Variants in NCKAP1 observed in about 807,000 individuals in gnomAD.
NCKAP1 encodes the protein nck-associated protein 1.
NCKAP1 carries 21 observed loss-of-function variants against 151.2 expected under a neutral mutation model. That is an observed-to-expected ratio of 0.14 (90% CI 0.10 to 0.20). The LOEUF is 0.20. Among genes scored for constraint, NCKAP1 ranks in the 10% least tolerant of loss-of-function variants. NCKAP1 has a pLI of 1.00. For missense variants in NCKAP1, 933 were observed against 1,352.1 expected, an observed-to-expected ratio of 0.69 and a Z score of 4.86; for synonymous variants, 484 against 451.8, an observed-to-expected ratio of 1.07 and a Z score of -0.90.
At chr2:183,021,312 A>G (rs887051933) in intron 2 of NCKAP1, among the ~76,000 whole-genome samples, 3 of 152,208 alleles carry the variant, frequency 2.0e-5, no homozygotes, top group Admixed American at 1.3e-4. Context: ...AATAAAAAGA[A>G]ATGAAGATTG....
chr2:182,996,523 T>A (rs892349633), intron 6 of NCKAP1, among the ~76,000 whole-genome samples: 1 of 152,176 alleles, frequency 6.6e-6, no homozygotes, highest in African/African-American at 2.4e-5. Context: ...AGTGGTGCGA[T>A]CTCAGCTCAC....
At chr2:183,028,560 T>C (rs925692961) in intron 1 of NCKAP1, among the ~76,000 whole-genome samples, 19 of 152,230 alleles carry the variant, frequency 1.2e-4, no homozygotes, top group African/African-American at 4.3e-4. Context: ...AAGTGCATAA[T>C]AGCCTATATG....
rs1306637531 is a variant in NCKAP1, at chr2:182,928,835, A to C, written c.3018T>G (p.Ser1006=). The C allele has an allele frequency of 6.2e-7, 1 of 1,612,674 alleles. No homozygotes were observed. The highest frequency in any genetic ancestry group is 1.1e-5 in the South Asian group (1 of 90,974). Residue 1006 remains serine, a synonymous_variant, in exon 28 of 31, where the codon TCT becomes TCG. Transcript: ENST00000361354. ...ACLLMVFVAV[S]LPTLASNVMS... is the part of the protein sequence containing the mutation. ...TCACATTACTGGCCAGTGTTGGCAA[A>C]GAAACTGCCACAAACACCATGAGAA...
intron 2 of NCKAP1, among the ~76,000 whole-genome samples, chr2:183,008,566 T>C (rs1056952787): frequency 6.6e-6 from 1 of 152,180 alleles, no homozygotes; most frequent in Non-Finnish European, 1.5e-5. Context: ...TCACCAAGTA[T>C]GTTCCCATCG....
At position 182,994,125 on chromosome 2, in the gene NCKAP1, G is replaced by A. The variant is rs189238706; in HGVS notation, c.790+714C>T. 2.2e-4 allele frequency among the ~76,000 whole-genome samples: 34 copies of A among 152,274 alleles called. No homozygotes were observed. In the East Asian group the frequency reaches 4.8e-3, roughly 22 times the overall value. ...GCATCTAAAAAACTGCCAAACATAC[G>A]AGTAATTTATTAAACTGAAGTGAAT... On this transcript the variant is annotated intron_variant, in intron 8 of 30. Transcript: ENST00000361354.
Position 182,934,836 on chromosome 2 carries a change from G to C in NCKAP1, c.2779-4C>G, listed in dbSNP as rs1310350032. 4 of 1,333,138 alleles carry C rather than the reference G, an allele frequency of 3.0e-6. No individual in the cohort carries two copies. In the African/African-American group the frequency reaches 5.7e-5, roughly 19 times the overall value. 82.6% of individuals were successfully genotyped at this position (1,333,138 alleles called of 1,614,324 possible). A position where few individuals can be genotyped will look rare whatever the true frequency, so the allele number is the denominator to read the frequency against. On this transcript the variant is annotated splice_region_variant and splice_polypyrimidine_tract_variant and intron_variant, in intron 25 of 30. Coordinates refer to ENST00000361354, the MANE Select transcript of NCKAP1 (RefSeq NM_013436.5). ...AAGGAATGTGGTAGGATAAGACCTA[G>C]GCAGGATAACAAATAAGAATACAGA... is the stretch of plus-strand genomic sequence containing the variant.
chr2:182,944,348 G>A (rs945400569), intron 23 of NCKAP1, among the ~76,000 whole-genome samples: 8 of 152,018 alleles, frequency 5.3e-5, no homozygotes, highest in African/African-American at 1.7e-4. Context: ...TAAATTCTTG[G>A]CAAAATTCAT....
At chr2:182,972,641 C>A (rs992777115) in intron 15 of NCKAP1, among the ~76,000 whole-genome samples, 1 of 152,070 alleles carries the variant, frequency 6.6e-6, no homozygotes, top group Non-Finnish European at 1.5e-5. Context: ...TATTCACAAT[C>A]GTCAAGATAT....
rs755577800 is a variant in NCKAP1 at position 182,942,049 on chromosome 2, A to G, written c.2695+21T>C. 8.9e-6 allele frequency: 14 copies of G among 1,574,232 alleles called. No individual in the cohort carries two copies. In the South Asian group the frequency reaches 1.6e-4, roughly 19 times the overall value. On this transcript the variant is annotated intron_variant, in intron 24 of 30. Transcript: ENST00000361354. ...TATCAAGATCTTCTTATGTTTATAA[A>G]AAGTATCATGAGTTACCCACATGAT... is the stretch of plus-strand genomic sequence containing the variant.
intron 10 of NCKAP1, among the ~76,000 whole-genome samples, chr2:182,984,809 T>C (rs1164909546): frequency 6.6e-6 from 1 of 152,194 alleles, no homozygotes; most frequent in East Asian, 1.9e-4. Flanking sequence ...TGATGGTTAT[T>C]GGGAGAAAAT....
chr2:183,022,204 A>T (rs1221047268), intron 2 of NCKAP1, among the ~76,000 whole-genome samples: 1 of 152,186 alleles, frequency 6.6e-6, no homozygotes, highest in Non-Finnish European at 1.5e-5. Context: ...GTTTACACAC[A>T]AACACATGTG....
At chr2:182,991,428 G>A (rs971840742) in intron 8 of NCKAP1, among the ~76,000 whole-genome samples, 2 of 152,018 alleles carry the variant, frequency 1.3e-5, no homozygotes, top group African/African-American at 4.8e-5. Context: ...GCATGGTGGT[G>A]GGCACCTATA....
chr2:182,923,777 C>G lies in NCKAP1; in HGVS notation c.*1925G>C, dbSNP rs1167486996. On this transcript the variant is annotated 3_prime_UTR_variant, in exon 31 of 31. Transcript: ENST00000361354. Reference sequence around the variant, plus strand: ...ACAAGATATTAAAAATAGTAGTTGTCAATTTACTTTTAACTTTTTCCTCCA... The same window carrying G: ...ACAAGATATTAAAAATAGTAGTTGTGAATTTACTTTTAACTTTTTCCTCCA... 6.6e-6 allele frequency: 1 copy of G among 152,116 alleles called. No individual in the cohort carries two copies. Among genetic ancestry groups the G allele is most frequent in the Non-Finnish European group, 1.5e-5 (1 of 68,006 alleles). The allele number at this position is 152,116 out of a possible 1,614,324, so 9.4% of individuals were successfully genotyped here. A position where few individuals can be genotyped will look rare whatever the true frequency, so the allele number is the denominator to read the frequency against.
At chr2:183,016,358 G>A (rs1462547210) in intron 2 of NCKAP1, among the ~76,000 whole-genome samples, 4 of 152,156 alleles carry the variant, frequency 2.6e-5, no homozygotes, top group African/African-American at 9.7e-5. Context: ...TGCATCTCCT[G>A]AGGAGTTCTT....
At chr2:182,972,486 T>C (rs1697720360) in intron 15 of NCKAP1, among the ~76,000 whole-genome samples, 1 of 152,148 alleles carries the variant, frequency 6.6e-6, no homozygotes. Context: ...TGTGAATTAG[T>C]AGAGCCGCTA....
intron 1 of NCKAP1, among the ~76,000 whole-genome samples, chr2:183,033,964 G>A (rs116424853): frequency 0.024 from 3,638 of 151,984 alleles, 89 homozygotes; most frequent in South Asian, 0.067. Context: ...ATTCCATAAA[G>A]GAAACAAAAG....
chr2:182,983,362 C>T lies in NCKAP1; in HGVS notation c.1025G>A (p.Arg342Lys), dbSNP rs1394232383. ...VSHAGSMHRE[R>K]RKFLRSALKE... Reference sequence around the variant, plus strand: ...CAGTGCAGATCTTAAAAACTTGCGTCTTTCTCTGTGCATTGAACCACTATG... The same window carrying T: ...CAGTGCAGATCTTAAAAACTTGCGTTTTTCTCTGTGCATTGAACCACTATG... Residue 342 changes from arginine (R) to lysine (K), a missense_variant, in exon 11 of 31, where the codon AGA becomes AAA. Physicochemically the swap from Arg to Lys is conservative, Grantham distance 26. This residue lies in a region of NCKAP1 where 607 missense variants were observed against 795.0 expected (regional missense o/e 0.76). Coordinates refer to ENST00000361354, the MANE Select transcript of NCKAP1 (RefSeq NM_013436.5). 2 of 1,612,758 alleles carry T rather than the reference C, an allele frequency of 1.2e-6. No homozygotes were observed. The highest frequency in any genetic ancestry group is 1.1e-5 in the South Asian group (1 of 91,008).
intron 23 of NCKAP1, among the ~76,000 whole-genome samples, chr2:182,945,010 G>A (rs141477455): frequency 1.6e-3 from 242 of 152,198 alleles, no homozygotes; most frequent in Middle Eastern, 0.01. Flanking sequence ...CGAGGTGGGC[G>A]GATCACCTGA....
Position 182,952,091 on chromosome 2 carries a change from T to C in NCKAP1, c.2601+314A>G, listed in dbSNP as rs547936999. On this transcript the variant is annotated intron_variant, in intron 23 of 30. Coordinates refer to ENST00000361354, the MANE Select transcript of NCKAP1 (RefSeq NM_013436.5). Reference sequence around the variant, plus strand: ...AAATTGTTAACTTTGGCTGGAATTTTGAAGCTGGTATTTCAAAGAAAACAT... The same window carrying C: ...AAATTGTTAACTTTGGCTGGAATTTCGAAGCTGGTATTTCAAAGAAAACAT... Among the ~76,000 whole-genome samples, 6 of 152,302 alleles carry C rather than the reference T, an allele frequency of 3.9e-5. No individual in the cohort carries two copies. The South Asian group carries it at 1.2e-3, about 32-fold the overall frequency.
Sources: allele counts gnomAD v4.1 joint callset (sites outside exome capture counted in the v4.1 genomes callset), GRCh38; gene constraint gnomAD v4.1.1; regional missense constraint gnomAD v4.1.1; transcripts MANE v1.5; gene names NCBI Gene and HGNC (gene_info 2026-07-23, HGNC 2026-07-21).